TCERG1L: variants seen among roughly 807,000 people sequenced by gnomAD.
The protein encoded by TCERG1L is transcription elongation regulator 1-like protein.
In TCERG1L, 37 loss-of-function variants were observed where a neutral mutation model predicts 56.3. The observed-to-expected ratio is 0.66, with a 90% CI of 0.51 to 0.87. The LOEUF (loss-of-function observed/expected upper bound fraction) is 0.87, where lower values mean the gene tolerates loss of function less well. TCERG1L is among the 40% of genes least tolerant of loss of function. TCERG1L has a pLI of 0.00. For missense variants in TCERG1L, 799 were observed against 774.2 expected (o/e 1.03, Z -0.38); for synonymous variants, 324 against 326.3 (o/e 0.99, Z 0.08).
At chr10:131,192,246 T>C (rs1458390943) in intron 4 of TCERG1L, among the ~76,000 whole-genome samples, 1 of 143,278 alleles carries the variant, frequency 7.0e-6, no homozygotes, top group African/African-American at 2.6e-5. Context: ...AAAGAAGATA[T>C]ACAAATGGAC....
rs756968360 is a variant in TCERG1L at position 131,157,149 on chromosome 10, G to A, written c.1034+5973C>T. ...CGACTTTTGCCTCTTAGGATAAAAC[G>A]TGAATCAGCTTTGCCAGAAAATGGC... On this transcript the variant is annotated intron_variant, in intron 6 of 11. Coordinates refer to ENST00000368642, the MANE Select transcript of TCERG1L (RefSeq NM_174937.4). 1.8e-4 allele frequency among the ~76,000 whole-genome samples: 28 copies of A among 152,142 alleles called. 1 individual carries two copies. The highest frequency in any genetic ancestry group is 7.2e-4 in the Admixed American group (11 of 15,280).
intron 4 of TCERG1L, among the ~76,000 whole-genome samples, chr10:131,209,605 T>C (rs962112533): frequency 6.6e-5 from 10 of 152,206 alleles, no homozygotes; most frequent in African/African-American, 2.2e-4. Context: ...GCCTTTGCCA[T>C]TTGTGAGGCC....
chr10:131,235,198 G>A (rs1845900668), intron 4 of TCERG1L, among the ~76,000 whole-genome samples: 1 of 152,310 alleles, frequency 6.6e-6, no homozygotes, highest in South Asian at 2.1e-4. Context: ...GCCTAATGTA[G>A]TTTACCCTTA....
At position 131,146,546 on chromosome 10, in the gene TCERG1L, A is replaced by G. The variant is rs113496032; in HGVS notation, c.1149T>C (p.Ile383=). 3 of 1,613,314 alleles carry G rather than the reference A, an allele frequency of 1.9e-6. No individual in the cohort carries two copies. The African/African-American group carries it at 4.0e-5, about 22-fold the overall frequency. The change falls in exon 7 of 12, where the codon ATT becomes ATC. Residue 383 remains isoleucine (I), a synonymous_variant. Transcript: ENST00000368642. The part of the protein sequence containing the change: ...LKDRGDLNRI[I]EDPPHKRKLE... Reference sequence around the variant, plus strand: ...GCTTGCGTTTGTGGGGCGGGTCCTCAATGATCCTGTTGAGGTCTCCGCGGT... The same window carrying G: ...GCTTGCGTTTGTGGGGCGGGTCCTCGATGATCCTGTTGAGGTCTCCGCGGT...
chr10:131,159,247 C>T (rs1278408184), intron 6 of TCERG1L, among the ~76,000 whole-genome samples: 1 of 152,176 alleles, frequency 6.6e-6, no homozygotes, highest in African/African-American at 2.4e-5. Flanking sequence ...TTACCGAGCA[C>T]CGTGGGCTTG....
intron 4 of TCERG1L, among the ~76,000 whole-genome samples, chr10:131,232,982 G>C (rs1845868535): frequency 6.6e-6 from 1 of 152,240 alleles, no homozygotes; most frequent in Non-Finnish European, 1.5e-5. Flanking sequence ...TATTGGAGAT[G>C]TAAGTGGCTG....
At chr10:131,248,028 C>G (rs1846058520) in intron 4 of TCERG1L, among the ~76,000 whole-genome samples, 1 of 151,902 alleles carries the variant, frequency 6.6e-6, no homozygotes, top group Admixed American at 6.6e-5. Context: ...CTCACACACA[C>G]AGGTAAACTC....
intron 6 of TCERG1L, chr10:131,161,374 C>CT (rs1296967501): frequency 6.6e-6 from 1 of 152,246 alleles, no homozygotes; most frequent in East Asian, 1.9e-4. Context: ...ATGCCACTGC[C>CT]TAAGGATGCC....
intron 8 of TCERG1L, among the ~76,000 whole-genome samples, chr10:131,129,259 T>C (rs1845593978): frequency 6.6e-6 from 1 of 152,200 alleles, no homozygotes; most frequent in South Asian, 2.1e-4. Flanking sequence ...TGGAAGCCCA[T>C]TTGATAATGT....
At position 131,311,580 on chromosome 10, in the gene TCERG1L, G is replaced by GGCT. The variant is rs1001523873; in HGVS notation, c.53_55dup (p.Gln18dup). 1.9e-5 allele frequency: 22 copies of GGCT among 1,157,800 alleles called. No homozygotes were observed. The highest frequency in any genetic ancestry group is 4.8e-5 in the Admixed American group (1 of 20,928). 71.7% of individuals were successfully genotyped at this position (1,157,800 alleles called of 1,614,324 possible). A position where few individuals can be genotyped will look rare whatever the true frequency, so the allele number is the denominator to read the frequency against. On this transcript the variant is annotated inframe_insertion, in exon 1 of 12. Transcript: ENST00000368642. The surrounding 1 kb of genome is among the most constrained non-coding windows in gnomAD (Gnocchi z 4.0). ...CCAGAGGAGAGGCTGCCGCCGCCGG[G>GGCT]GCTGCTGCTGCTGCAGCTGCCGCCG...
At chr10:131,159,632 C>T (rs10765045) in intron 6 of TCERG1L, among the ~76,000 whole-genome samples, 46,802 of 151,988 alleles carry the variant, frequency 0.31, 8,067 homozygotes, top group Middle Eastern at 0.46. Flanking sequence ...TCTCTATAAG[C>T]GAGACGGAAG....
intron 4 of TCERG1L, among the ~76,000 whole-genome samples, chr10:131,211,142 G>C (rs933386506): frequency 6.6e-6 from 1 of 152,230 alleles, no homozygotes; most frequent in African/African-American, 2.4e-5. Context: ...ATGGTATCTG[G>C]GTGGTGGGGC....
At chr10:131,158,490 CAT>C (rs1314427911) in intron 6 of TCERG1L, among the ~76,000 whole-genome samples, 2 of 152,210 alleles carry the variant, frequency 1.3e-5, no homozygotes, top group African/African-American at 2.4e-5. Flanking sequence ...TTTTGTTGCA[CAT>C]GTGTTGAGTG....
intron 4 of TCERG1L, among the ~76,000 whole-genome samples, chr10:131,209,582 T>C (rs768602855): frequency 1.3e-5 from 2 of 152,232 alleles, no homozygotes; most frequent in Non-Finnish European, 2.9e-5. Context: ...CTTATAAATG[T>C]AAAATATATA....
At chr10:131,226,830 G>C (rs1313385605) in intron 4 of TCERG1L, among the ~76,000 whole-genome samples, 1 of 152,272 alleles carries the variant, frequency 6.6e-6, no homozygotes, top group Admixed American at 6.5e-5. Context: ...ATAAAGTGCT[G>C]TATTTTCATG....
In TCERG1L at chr10:131,308,217, T is replaced by C. The variant is rs1261160080; in HGVS notation, c.664A>G (p.Ile222Val). 2 of 1,605,078 alleles carry C rather than the reference T, an allele frequency of 1.2e-6. No individual in the cohort carries two copies. Among genetic ancestry groups the C allele is most frequent in the East Asian group, 2.2e-5 (1 of 44,832 alleles). The change falls in exon 3 of 12, where the codon ATC (isoleucine) becomes GTC (valine). Residue 222 changes from isoleucine (I) to valine (V), a missense_variant. By Grantham distance (29) the Ile-to-Val change is conservative. Coordinates refer to ENST00000368642, the MANE Select transcript of TCERG1L (RefSeq NM_174937.4). Reference sequence around the variant, plus strand: ...ATGTTATTTGGGCACCAACCTGGGATGGGCTGAGGTGCTAACACCACCGTG... The same window carrying C: ...ATGTTATTTGGGCACCAACCTGGGACGGGCTGAGGTGCTAACACCACCGTG... ...LPTVVLAPQP[I>V]PGGCHNSLKV...
chr10:131,134,309 GC>G, intron 8 of TCERG1L, 69 bp downstream of exon 8: 1 of 1,345,166 alleles, frequency 7.4e-7, no homozygotes, highest in Non-Finnish European at 1.0e-6. Flanking sequence ...TCAAAATGAT[GC>G]CTTTTCTTTC....
At chr10:131,290,644 A>C (rs992210086) in intron 3 of TCERG1L, among the ~76,000 whole-genome samples, 2 of 152,002 alleles carry the variant, frequency 1.3e-5, no homozygotes, top group Admixed American at 6.6e-5. Flanking sequence ...AAAAAAAAAA[A>C]AAAAAAAACC....
intron 4 of TCERG1L, among the ~76,000 whole-genome samples, chr10:131,244,863 A>C (rs1846014580): frequency 6.6e-6 from 1 of 151,870 alleles, no homozygotes; most frequent in African/African-American, 2.4e-5. Context: ...CCATGCCACC[A>C]CCCCCTAGAT....
Sources: gnomAD v4.1 joint callset for allele counts (sites outside exome capture counted in the v4.1 genomes callset) on GRCh38, gnomAD v4.1.1 for gene constraint, Gnocchi (gnomAD v3.1) non-coding constraint, MANE v1.5 for transcripts, NCBI Gene and HGNC (gene_info 2026-07-23, HGNC 2026-07-21) for gene names.